MGAT4C: variants seen among roughly 807,000 people sequenced by gnomAD.
MGAT4C encodes MGAT4 family member C, also known as alpha-1,3-mannosyl-glycoprotein 4-beta-N-acetylglucosaminyltransferase C.
In MGAT4C, 19 loss-of-function variants were observed where a neutral mutation model predicts 40.1. The observed-to-expected ratio is 0.47, with a 90% confidence interval of 0.33 to 0.70. The LOEUF (loss-of-function observed/expected upper bound fraction) is 0.70. Among genes scored for constraint, MGAT4C ranks in the 30% least tolerant of loss-of-function variants. The pLI is 0.02. For synonymous variants in MGAT4C, 181 were observed against 187.1 expected (o/e 0.97, Z 0.27); for missense variants, 491 against 563.2 (o/e 0.87, Z 1.30).
At chr12:86,244,971 A>G (rs532646646) in intron 1 of MGAT4C, among the ~76,000 whole-genome samples, 1 of 152,280 alleles carries the variant, frequency 6.6e-6, no homozygotes, top group African/African-American at 2.4e-5. Context: ...TTTGATCCTC[A>G]CTTCATCCCA....
chr12:86,820,629 CAATTTT>C, intron 1 of MGAT4C, among the ~76,000 whole-genome samples: 1 of 150,696 alleles, frequency 6.6e-6, no homozygotes, highest in South Asian at 2.1e-4. Context: ...TATGTCATTT[CAATTTT>C]AACTTTTTAA....
intron 2 of MGAT4C, among the ~76,000 whole-genome samples, chr12:86,663,821 G>A (rs988299880): frequency 6.6e-5 from 10 of 152,158 alleles, no homozygotes; most frequent in African/African-American, 1.9e-4. Context: ...TGTGTGGTGA[G>A]TTAAACAGAA....
At chr12:86,223,561 T>C (rs1593277755) in intron 1 of MGAT4C, among the ~76,000 whole-genome samples, 1 of 152,044 alleles carries the variant, frequency 6.6e-6, no homozygotes, top group South Asian at 2.1e-4. Flanking sequence ...AGGCCCGCGG[T>C]GTACCCACAC....
At chr12:86,729,103 T>C (rs559461317) in intron 1 of MGAT4C, among the ~76,000 whole-genome samples, 87 of 152,266 alleles carry the variant, frequency 5.7e-4, no homozygotes, top group Non-Finnish European at 1.1e-3. Flanking sequence ...GTAAGGAGAA[T>C]TGATGTTCTG....
rs1176559218 is a variant in MGAT4C, at chr12:86,595,624, TTAAGAA to T, written c.-229+131579_-229+131584del. Among the ~76,000 whole-genome samples, 6 of 152,310 alleles carry T rather than the reference TTAAGAA, an allele frequency of 3.9e-5. No individual in the cohort carries two copies. In the East Asian group the frequency reaches 1.2e-3, roughly 29 times the overall value. ...ACATCAGTCTATGATAGACTGCATA[TTAAGAA>T]TTTTACATCCTTGTAACTTACTGTA... is the stretch of plus-strand genomic sequence containing the variant. On this transcript the variant is annotated intron_variant, in intron 2 of 7. Transcript: ENST00000548651.
chr12:86,635,893 G>A (rs901622235), intron 2 of MGAT4C, among the ~76,000 whole-genome samples: 1 of 151,444 alleles, frequency 6.6e-6, no homozygotes, highest in African/African-American at 2.4e-5. Context: ...TCTTTCCAAG[G>A]CTGGTCTTGA....
At chr12:86,370,761 T>C (rs186394678) in intron 3 of MGAT4C, among the ~76,000 whole-genome samples, 8 of 152,148 alleles carry the variant, frequency 5.3e-5, no homozygotes, top group Non-Finnish European at 1.0e-4. Flanking sequence ...AAAAGTTCAA[T>C]ATGTATGCAT....
intron 4 of MGAT4C, among the ~76,000 whole-genome samples, chr12:86,309,657 G>A (rs1249296929): frequency 6.6e-6 from 1 of 152,168 alleles, no homozygotes; most frequent in African/African-American, 2.4e-5. Flanking sequence ...AATTTTGGGG[G>A]ATACATGCAA....
At chr12:86,625,344 C>G (rs1410953518) in intron 2 of MGAT4C, among the ~76,000 whole-genome samples, 1 of 152,016 alleles carries the variant, frequency 6.6e-6, no homozygotes, top group Non-Finnish European at 1.5e-5. Context: ...TGGACTAATA[C>G]ACTAGGTATA....
At chr12:86,599,159 C>T (rs540816211) in intron 2 of MGAT4C, among the ~76,000 whole-genome samples, 1 of 152,106 alleles carries the variant, frequency 6.6e-6, no homozygotes, top group Admixed American at 6.5e-5. Flanking sequence ...ATTTATCAAC[C>T]TTAGAAGCTT....
chr12:86,344,752 GTGTA>G lies in MGAT4C; in HGVS notation c.-119-10629_-119-10626del, dbSNP rs1351812032. Among the ~76,000 whole-genome samples, 76 of 120,872 alleles carry G rather than the reference GTGTA, an allele frequency of 6.3e-4. 1 individual carries two copies. The highest frequency in any genetic ancestry group is 1.3e-3 in the African/African-American group (45 of 34,832). 79.3% of individuals were successfully genotyped at this position (120,872 alleles called of 152,430 possible). A position where few individuals can be genotyped will look rare whatever the true frequency, so the allele number is the denominator to read the frequency against. On this transcript the variant is annotated intron_variant, in intron 3 of 7. Coordinates refer to the MGAT4C transcript ENST00000548651. Reference sequence around the variant, plus strand: ...TGTGTGTGTGTGTGTGTGTGTGTGTGTGTATGTGTGTGTGTGTGTGTGTAGCGGC... The same window carrying G: ...TGTGTGTGTGTGTGTGTGTGTGTGTGTGTGTGTGTGTGTGTGTGTAGCGGC...
chr12:85,994,937 G>A (rs1326470319), intron 2 of MGAT4C, among the ~76,000 whole-genome samples: 2 of 152,112 alleles, frequency 1.3e-5, no homozygotes, highest in African/African-American at 4.8e-5. Context: ...TGATGAAATG[G>A]TAATTATAAA....
At chr12:86,164,740 G>GA (rs1359915534) in intron 1 of MGAT4C, among the ~76,000 whole-genome samples, 3 of 152,068 alleles carry the variant, frequency 2.0e-5, no homozygotes, top group African/African-American at 7.2e-5. Flanking sequence ...TTGGGGATTT[G>GA]AAAAAAATGC....
intron 2 of MGAT4C, among the ~76,000 whole-genome samples, chr12:85,994,201 A>C (rs1280517162): frequency 1.3e-5 from 2 of 152,240 alleles, no homozygotes; most frequent in East Asian, 3.9e-4. Context: ...AATTCCCAAG[A>C]GTTGACAAAG....
At chr12:86,093,111 T>A (rs1352963840) in intron 1 of MGAT4C, among the ~76,000 whole-genome samples, 1 of 152,162 alleles carries the variant, frequency 6.6e-6, no homozygotes, top group Non-Finnish European at 1.5e-5. Context: ...TTCATACTTT[T>A]ATCTATCTAC....
At chr12:85,990,902 G>A (rs1159781685) in intron 2 of MGAT4C, among the ~76,000 whole-genome samples, 2 of 152,174 alleles carry the variant, frequency 1.3e-5, no homozygotes, top group South Asian at 2.1e-4. Context: ...AGTATGAGAA[G>A]TGGTAAAAAT....
intron 4 of MGAT4C, among the ~76,000 whole-genome samples, chr12:85,981,020 A>C (rs954377886): frequency 3.9e-5 from 6 of 152,102 alleles, no homozygotes; most frequent in Admixed American, 3.9e-4. Context: ...ATTGGACTTC[A>C]CAATTTTATC....
chr12:86,695,742 CAG>C (rs1172418221), intron 2 of MGAT4C, among the ~76,000 whole-genome samples: 2 of 151,674 alleles, frequency 1.3e-5, no homozygotes, highest in African/African-American at 4.8e-5. Flanking sequence ...CTCATCGACA[CAG>C]AGAGTAGAAT....
In MGAT4C at chr12:86,186,644, G is replaced by A. The variant is rs373293959; in HGVS notation, c.-57+69595C>T. On this transcript the variant is annotated intron_variant, in intron 1 of 4. Transcript: ENST00000611864. The stretch of plus-strand genomic sequence containing the variant: ...CATGGGAGATTCAATGCTCAACCAC[G>A]ACCCCTAGTTGCACAGGAGAAGCAT... Among the ~76,000 whole-genome samples, 18 of 152,116 alleles carry A rather than the reference G, an allele frequency of 1.2e-4. No homozygotes were observed. In the East Asian group the frequency reaches 2.1e-3, roughly 18 times the overall value.
Sources: gnomAD v4.1 joint callset for allele counts (sites outside exome capture counted in the v4.1 genomes callset) on GRCh38, gnomAD v4.1.1 for gene constraint, MANE v1.5 for transcripts, NCBI Gene and HGNC (gene_info 2026-07-23, HGNC 2026-07-21) for gene names.